The following GLIPR1L1 variants were observed in gnomAD, a reference collection of about 807,000 sequenced individuals.
GLIPR1L1 encodes GLIPR1-like protein 1.
GLIPR1L1 carries 26 observed loss-of-function variants against 29.9 expected under a neutral mutation model. The ratio of observed to expected loss-of-function variants is 0.87; its 90% CI spans 0.64 to 1.21. The LOEUF is 1.21. GLIPR1L1 is among the 50% of genes most tolerant of loss of function. The pLI, the probability that GLIPR1L1 is intolerant of heterozygous loss-of-function variation, is 0.00. For synonymous variants in GLIPR1L1, 77 were observed against 97.5 expected (o/e 0.79, Z 1.24); for missense variants, 305 against 290.3 (o/e 1.05, Z -0.37).
At chr12:75,351,583 G>A (rs1449194464) in intron 3 of GLIPR1L1, among the ~76,000 whole-genome samples, 2 of 149,000 alleles carry the variant, frequency 1.3e-5, no homozygotes, top group Non-Finnish European at 3.0e-5. Context: ...GTCCCACTCT[G>A]TCACCCAAGG....
intron 4 of GLIPR1L1, among the ~76,000 whole-genome samples, chr12:75,363,557 C>T (rs1033010194): frequency 7.2e-5 from 11 of 151,962 alleles, no homozygotes; most frequent in African/African-American, 2.4e-4. Flanking sequence ...AGTCAATGTC[C>T]AAAGTAATTA....
chr12:75,338,710 C>G (rs966001125), intron 1 of GLIPR1L1, among the ~76,000 whole-genome samples: 13 of 152,078 alleles, frequency 8.5e-5, no homozygotes, highest in Non-Finnish European at 1.6e-4. Flanking sequence ...ACGTATTAAG[C>G]CCAGCATCTA....
At position 75,338,906 on chromosome 12, in the gene GLIPR1L1, C is replaced by A. The variant is rs926435531; in HGVS notation, c.174+4004C>A. Among the ~76,000 whole-genome samples, 4 of 152,210 alleles carry A rather than the reference C, an allele frequency of 2.6e-5. No homozygotes were observed. The East Asian group carries it at 7.7e-4, about 29-fold the overall frequency. On this transcript the variant is annotated intron_variant, in intron 1 of 5. Coordinates refer to ENST00000378695, the MANE Select transcript of GLIPR1L1 (RefSeq NM_001304964.2). ...TGAGGATAATAGCTTCCAGCTCCATCCATGTCCCTGCAAAGGACTTGATCT... is the reference window on the plus strand; with the variant it reads ...TGAGGATAATAGCTTCCAGCTCCATACATGTCCCTGCAAAGGACTTGATCT...
intron 4 of GLIPR1L1, chr12:75,366,973 C>T (rs1566012323): frequency 1.4e-6 from 1 of 701,750 alleles, no homozygotes; most frequent in Non-Finnish European, 2.6e-6. Flanking sequence ...CAGCTTGCAG[C>T]TTGCAGTAAC....
At chr12:75,367,755 C>T (rs531839729) in intron 4 of GLIPR1L1, among the ~76,000 whole-genome samples, 11 of 151,930 alleles carry the variant, frequency 7.2e-5, no homozygotes, top group East Asian at 1.9e-4. Context: ...AAAAATAATG[C>T]GTTTTGTTCT....
intron 4 of GLIPR1L1, among the ~76,000 whole-genome samples, chr12:75,367,535 C>T (rs529972206): frequency 1.4e-5 from 2 of 147,750 alleles, no homozygotes; most frequent in African/African-American, 4.9e-5. Context: ...ACAGGAAGGT[C>T]TTGCACATCA....
At position 75,370,454 on chromosome 12, in the gene GLIPR1L1, G is replaced by A. The variant is rs555030799; in HGVS notation, c.*278G>A. The A allele has an allele frequency of 1.5e-4, 36 of 239,118 alleles. No individual in the cohort carries two copies. The highest frequency in any genetic ancestry group is 2.4e-4 in the East Asian group (3 of 12,390). 14.8% of individuals were successfully genotyped at this position (239,118 alleles called of 1,614,324 possible). On this transcript the variant is annotated 3_prime_UTR_variant, in exon 6 of 6. Coordinates refer to ENST00000378695, the MANE Select transcript of GLIPR1L1 (RefSeq NM_001304964.2). ...CTAATGAGAATGGATTATCATTTTA[G>A]TTATAGTACATTTAGAGAACTAAAG...
chr12:75,357,105 A>G (rs1375054794), intron 3 of GLIPR1L1, among the ~76,000 whole-genome samples: 1 of 152,174 alleles, frequency 6.6e-6, no homozygotes, highest in African/African-American at 2.4e-5. Flanking sequence ...TGGTAGTATA[A>G]GTAAAGCCTA....
chr12:75,338,617 GGGTAC>G (rs1408846888), intron 1 of GLIPR1L1, among the ~76,000 whole-genome samples: 2 of 151,734 alleles, frequency 1.3e-5, no homozygotes, highest in Non-Finnish European at 2.9e-5. Context: ...TTAAGTTCTG[GGGTAC>G]ATGTGCAGGA....
At position 75,347,656 on chromosome 12, in the gene GLIPR1L1, C is replaced by T. The variant is rs115736666; in HGVS notation, c.455C>T (p.Ala152Val). The change falls in exon 3 of 6, where the codon GCA becomes GTA. Residue 152 changes from alanine (A) to valine (V), a missense_variant. Ala to Val is a moderately conservative substitution (Grantham distance 64). Transcript: ENST00000378695. ...VWANSFYVGC[A>V]VAMCPNLGGA... ...GCCAATTCATTTTATGTCGGTTGTG[C>T]AGTTGCAATGTGTCCTAACCTTGGG... 3.1e-6 allele frequency: 5 copies of T among 1,608,798 alleles called. No homozygotes were observed. Among genetic ancestry groups the T allele is most frequent in the Non-Finnish European group, 4.2e-6 (5 of 1,176,562 alleles).
intron 3 of GLIPR1L1, among the ~76,000 whole-genome samples, chr12:75,359,547 T>C (rs1002463250): frequency 6.6e-6 from 1 of 151,814 alleles, no homozygotes; most frequent in African/African-American, 2.4e-5. Context: ...CTAATACTAT[T>C]GTTTTCAAGT....
intron 3 of GLIPR1L1, among the ~76,000 whole-genome samples, chr12:75,350,632 G>C (rs1179533442): frequency 6.6e-6 from 1 of 151,984 alleles, no homozygotes; most frequent in African/African-American, 2.4e-5. Flanking sequence ...ACTGCTAAAA[G>C]AACAAACAGA....
intron 3 of GLIPR1L1, among the ~76,000 whole-genome samples, chr12:75,361,412 G>C (rs1167655658): frequency 6.6e-6 from 1 of 152,152 alleles, no homozygotes; most frequent in Non-Finnish European, 1.5e-5. Flanking sequence ...AACTGTCTTT[G>C]GCTTGAAGGT....
intron 4 of GLIPR1L1, among the ~76,000 whole-genome samples, chr12:75,368,133 T>C (rs1267868292): frequency 1.3e-5 from 2 of 152,054 alleles, no homozygotes; most frequent in Non-Finnish European, 2.9e-5. Context: ...TTTCAAAAGG[T>C]AGCAGGAGTT....
intron 3 of GLIPR1L1, among the ~76,000 whole-genome samples, chr12:75,352,204 C>G (rs1052748490): frequency 2.6e-5 from 4 of 152,176 alleles, no homozygotes; most frequent in African/African-American, 9.7e-5. Flanking sequence ...ATAAAAGGCA[C>G]AGAATGGTAA....
chr12:75,334,819 C>G lies in GLIPR1L1; in HGVS notation c.91C>G (p.Pro31Ala). The G allele has an allele frequency of 6.2e-7, 1 of 1,614,068 alleles. No individual in the cohort carries two copies. The highest frequency in any genetic ancestry group is 8.5e-7 in the Non-Finnish European group (1 of 1,179,988). ...TSSKIPSITD[P>A]HFIDNCIEAH... The stretch of plus-strand genomic sequence containing the variant: ...TTCCAAAATCCCATCCATCACTGAC[C>G]CACACTTTATAGACAACTGCATAGA... Residue 31 changes from proline to alanine, a missense_variant, in exon 1 of 6, where the codon CCA becomes GCA. Pro to Ala is a conservative substitution (Grantham distance 27, BLOSUM62 -1). Coordinates refer to ENST00000378695, the MANE Select transcript of GLIPR1L1 (RefSeq NM_001304964.2).
chr12:75,356,293 C>T (rs1370010256), intron 3 of GLIPR1L1, among the ~76,000 whole-genome samples: 3 of 151,946 alleles, frequency 2.0e-5, no homozygotes, highest in Non-Finnish European at 4.4e-5. Context: ...TAAAAATAAA[C>T]ATTAAATATG....
At chr12:75,353,084 A>T (rs548195087) in intron 3 of GLIPR1L1, among the ~76,000 whole-genome samples, 47 of 152,304 alleles carry the variant, frequency 3.1e-4, no homozygotes, top group Non-Finnish European at 5.3e-4. Context: ...TAACTAAAGG[A>T]ACTAGAGAAC....
chr12:75,340,397 TA>T (rs1195647912), intron 1 of GLIPR1L1, among the ~76,000 whole-genome samples: 1 of 151,322 alleles, frequency 6.6e-6, no homozygotes, highest in African/African-American at 2.4e-5. Context: ...TTAATGCCTA[TA>T]AGAAAAGAAA....
Sources: allele counts gnomAD v4.1 joint callset (sites outside exome capture counted in the v4.1 genomes callset), GRCh38; gene constraint gnomAD v4.1.1; transcripts MANE v1.5; gene names NCBI Gene and HGNC (gene_info 2026-07-23, HGNC 2026-07-21).